The following DRICH1 variants were observed in gnomAD, a reference collection of about 807,000 sequenced individuals.
DRICH1 encodes the protein aspartate-rich protein 1.
In DRICH1, 38 loss-of-function variants were observed where a neutral mutation model predicts 39.5. The ratio of observed to expected loss-of-function variants is 0.96; its 90% CI spans 0.74 to 1.26. The LOEUF is 1.26. Among genes scored for constraint, DRICH1 ranks in the 50% most tolerant of loss-of-function variants. The pLI is 0.00. For missense variants in DRICH1, 279 were observed against 270.4 expected, an observed-to-expected ratio of 1.03 and a Z score of -0.22; for synonymous variants, 84 against 99.5, an observed-to-expected ratio of 0.84 and a Z score of 0.93.
chr22:23,597,219 A>G, the DRICH1 span, among the ~76,000 whole-genome samples: 1 of 146,814 alleles, frequency 6.8e-6, no homozygotes, highest in Non-Finnish European at 1.5e-5. Context: ...TTGGCAGGAC[A>G]CAGTGGCTTA....
At chr22:23,627,739 T>C (rs1444312513) in intron 1 of DRICH1, among the ~76,000 whole-genome samples, 1 of 152,130 alleles carries the variant, frequency 6.6e-6, no homozygotes, top group African/African-American at 2.4e-5. Context: ...CACCTCACTG[T>C]CCTCAGGAGC....
At chr22:23,594,131 C>T in the DRICH1 span, among the ~76,000 whole-genome samples, 2 of 152,052 alleles carry the variant, frequency 1.3e-5, no homozygotes, top group African/African-American at 4.8e-5. Context: ...AAAAACTATC[C>T]CAAATTGGAG....
At chr22:23,600,967 T>C in the DRICH1 span, among the ~76,000 whole-genome samples, 2 of 152,152 alleles carry the variant, frequency 1.3e-5, no homozygotes, top group Non-Finnish European at 1.5e-5. Context: ...CCACCGCACC[T>C]GGCCGGCAAT....
chr22:23,620,153 C>T (rs530433438), intron 5 of DRICH1, among the ~76,000 whole-genome samples: 40 of 152,208 alleles, frequency 2.6e-4, no homozygotes, highest in African/African-American at 7.9e-4. Context: ...GAAAAGAACT[C>T]GGCTTATATT....
intron 8 of DRICH1, among the ~76,000 whole-genome samples, chr22:23,615,404 C>T (rs1046959384): frequency 6.6e-6 from 1 of 152,208 alleles, no homozygotes; most frequent in Non-Finnish European, 1.5e-5. Context: ...TTATTTGATA[C>T]CTATTCATTC....
chr22:23,617,592 C>T lies in DRICH1; in HGVS notation c.502G>A (p.Asp168Asn), dbSNP rs1280473746. ...TGTCTTACCTGGGCATCATCATCAT[C>T]ATCATCACAGTCATCATCTTCACTT... is the stretch of plus-strand genomic sequence containing the variant. ...PRSEDDDCDD[D>N]DDDAQILPSP... is the part of the protein sequence containing the mutation. The change falls in exon 7 of 12, where the codon GAT (aspartate) becomes AAT (asparagine). Residue 168 changes from aspartate (D) to asparagine (N), a missense_variant. By Grantham distance (23) the Asp-to-Asn change is conservative. Coordinates refer to ENST00000317749, the MANE Select transcript of DRICH1 (RefSeq NM_016449.4). The T allele has an allele frequency of 6.2e-7, 1 of 1,614,010 alleles. No individual in the cohort carries two copies. Among genetic ancestry groups the T allele is most frequent in the Non-Finnish European group, 8.5e-7 (1 of 1,180,008 alleles).
Position 23,617,376 on chromosome 22 carries a change from C to T in DRICH1, c.519+199G>A, listed in dbSNP as rs529168674. ...CAAAGTGCCTTGAACCGGTCTAGGT[C>T]AGCAAAAAAACCAGAATAGGATATG... is the stretch of plus-strand genomic sequence containing the variant. On this transcript the variant is annotated intron_variant, in intron 7 of 11. Transcript: ENST00000317749. Among the ~76,000 whole-genome samples, 26 of 151,640 alleles carry T rather than the reference C, an allele frequency of 1.7e-4. No individual in the cohort carries two copies. The South Asian group carries it at 5.4e-3, about 32-fold the overall frequency.
intron 8 of DRICH1, among the ~76,000 whole-genome samples, chr22:23,615,461 A>T (rs1269602644): frequency 6.6e-6 from 1 of 152,232 alleles, no homozygotes; most frequent in Non-Finnish European, 1.5e-5. Context: ...TTTATCAGTC[A>T]TGTTAAATCT....
intron 4 of DRICH1, 97 bp downstream of exon 4, chr22:23,621,994 A>C (rs1569093507): frequency 8.4e-6 from 9 of 1,068,878 alleles, no homozygotes; most frequent in Non-Finnish European, 1.0e-5. Flanking sequence ...TGTTGTTTAT[A>C]GCTCCCTGAG....
In DRICH1 at chr22:23,621,997, T is replaced by A. The variant is rs549211516; in HGVS notation, c.384+94A>T. ...AAATCTCACTTTTGTTGTTTATAGC[T>A]CCCTGAGTCCATTCTTTGGGATTGG... On this transcript the variant is annotated intron_variant, in intron 4 of 11. Transcript: ENST00000317749. The A allele has an allele frequency of 1.3e-4, 148 of 1,108,550 alleles. No individual in the cohort carries two copies. In the African/African-American group the frequency reaches 2.2e-3, roughly 16 times the overall value. 68.7% of individuals were successfully genotyped at this position (1,108,550 alleles called of 1,614,324 possible). A position where few individuals can be genotyped will look rare whatever the true frequency, so the allele number is the denominator to read the frequency against.
intron 3 of DRICH1, 69 bp downstream of exon 3, chr22:23,624,814 A>G (rs1927961320): frequency 6.5e-7 from 1 of 1,528,670 alleles, no homozygotes; most frequent in Non-Finnish European, 9.1e-7. Context: ...AGGAATCCAG[A>G]TTAAGGTTTC....
the DRICH1 span, among the ~76,000 whole-genome samples, chr22:23,596,034 A>AG: frequency 6.6e-6 from 1 of 152,224 alleles, no homozygotes; most frequent in Non-Finnish European, 1.5e-5. Flanking sequence ...CGGAGCTCTC[A>AG]GGGGCACTTC....
chr22:23,595,648 A>C, the DRICH1 span, among the ~76,000 whole-genome samples: 1 of 152,250 alleles, frequency 6.6e-6, no homozygotes, highest in Non-Finnish European at 1.5e-5. Flanking sequence ...CCATGTGCAG[A>C]TGGTGTGCAA....
the DRICH1 span, among the ~76,000 whole-genome samples, chr22:23,603,267 C>T: frequency 6.6e-6 from 1 of 151,828 alleles, no homozygotes; most frequent in Non-Finnish European, 1.5e-5. Flanking sequence ...TCGGGCAGCC[C>T]CCGAGAATGC....
At chr22:23,626,784 A>T (rs1006196666) in intron 1 of DRICH1, among the ~76,000 whole-genome samples, 2 of 152,178 alleles carry the variant, frequency 1.3e-5, no homozygotes, top group Non-Finnish European at 2.9e-5. Context: ...GTCTCTAAAA[A>T]GGCATTGCTC....
intron 11 of DRICH1, among the ~76,000 whole-genome samples, chr22:23,609,834 G>A (rs1926939578): frequency 6.6e-6 from 1 of 152,140 alleles, no homozygotes; most frequent in Non-Finnish European, 1.5e-5. Context: ...CCCATCTGCT[G>A]CAACCTTTTC....
chr22:23,623,883 A>G, intron 3 of DRICH1: 2 of 911,502 alleles, frequency 2.2e-6, no homozygotes, highest in Non-Finnish European at 2.6e-6. Flanking sequence ...CCAAGAATAC[A>G]CAATGAGGAA....
At chr22:23,626,287 C>A (rs1329142554) in intron 1 of DRICH1, among the ~76,000 whole-genome samples, 7 of 152,076 alleles carry the variant, frequency 4.6e-5, no homozygotes, top group South Asian at 2.1e-4. Context: ...ATTAACCAAT[C>A]AAAAATCAGG....
At chr22:23,620,538 T>C (rs1458275511) in intron 5 of DRICH1, 56 bp downstream of exon 5, 4 of 1,564,770 alleles carry the variant, frequency 2.6e-6, no homozygotes, top group South Asian at 1.1e-5. Flanking sequence ...AAGGTTCCTA[T>C]ATATTAAAGC....
Sources: allele counts gnomAD v4.1 joint callset (sites outside exome capture counted in the v4.1 genomes callset), GRCh38; gene constraint gnomAD v4.1.1; transcripts MANE v1.5; gene names NCBI Gene and HGNC (gene_info 2026-07-23, HGNC 2026-07-21).